Variants in DYNC2I1 observed in about 807,000 individuals in gnomAD.
The protein encoded by DYNC2I1 is dynein 2 intermediate chain 1.
In DYNC2I1, 89 loss-of-function variants were observed where a neutral mutation model predicts 133.4. That is an observed-to-expected ratio of 0.67 (90% CI 0.56 to 0.80). The LOEUF is 0.80. Among genes scored for constraint, DYNC2I1 ranks in the 30% least tolerant of loss-of-function variants. DYNC2I1 has a pLI of 0.00. For synonymous variants in DYNC2I1, 504 were observed against 484.3 expected, an observed-to-expected ratio of 1.04 and a Z score of -0.54; for missense variants, 1,291 against 1,314.5, an observed-to-expected ratio of 0.98 and a Z score of 0.28.
chr7:158,854,340 A>G (rs940805879), upstream of DYNC2I1, among the ~76,000 whole-genome samples: 2 of 152,154 alleles, frequency 1.3e-5, no homozygotes, highest in African/African-American at 2.4e-5. Context: ...TAGTCCTCCA[A>G]AGGCCATCTA....
At chr7:158,867,273 G>A (rs1842493427) in intron 1 of DYNC2I1, among the ~76,000 whole-genome samples, 1 of 152,140 alleles carries the variant, frequency 6.6e-6, no homozygotes, top group African/African-American at 2.4e-5. Context: ...ACGCGGTTAG[G>A]TTAAGCATGA....
intron 1 of DYNC2I1, among the ~76,000 whole-genome samples, chr7:158,861,948 A>T (rs1841900127): frequency 6.6e-6 from 1 of 152,238 alleles, no homozygotes; most frequent in East Asian, 1.9e-4. Flanking sequence ...GCCCTAAGTA[A>T]TTTGATAACT....
intron 14 of DYNC2I1, among the ~76,000 whole-genome samples, chr7:158,915,297 A>G (rs1472766701): frequency 1.3e-5 from 2 of 152,166 alleles, no homozygotes; most frequent in Admixed American, 6.5e-5. Context: ...ATTAAGGATG[A>G]TTGTGAAACC....
chr7:158,879,266 G>A (rs1042976179), intron 4 of DYNC2I1, among the ~76,000 whole-genome samples: 1 of 152,026 alleles, frequency 6.6e-6, no homozygotes, highest in Admixed American at 6.6e-5. Flanking sequence ...TGGTAGTTCT[G>A]TAAGTTTTCC....
At chr7:158,848,638 G>A in the DYNC2I1 span, among the ~76,000 whole-genome samples, 2 of 152,150 alleles carry the variant, frequency 1.3e-5, no homozygotes, top group East Asian at 3.9e-4. Context: ...AAATTGGGTG[G>A]ACCAGGCCGG....
chr7:158,856,409 C>T (rs902650390), upstream of DYNC2I1, among the ~76,000 whole-genome samples: 11 of 152,262 alleles, frequency 7.2e-5, no homozygotes, highest in African/African-American at 2.7e-4. Context: ...ACCGCTCGGT[C>T]CTCTGCTGCT....
intron 20 of DYNC2I1, among the ~76,000 whole-genome samples, chr7:158,929,441 G>C (rs562156110): frequency 2.7e-5 from 4 of 149,526 alleles, no homozygotes; most frequent in Admixed American, 6.6e-5. Flanking sequence ...CAGTCGGAAA[G>C]GGCCTGGCCA....
At chr7:158,840,288 C>G in the DYNC2I1 span, among the ~76,000 whole-genome samples, 191 of 152,060 alleles carry the variant, frequency 1.3e-3, no homozygotes, top group Non-Finnish European at 2.2e-3. Context: ...TGGTTTTGGC[C>G]GGGCTTGGTG....
chr7:158,884,760 C>G (rs1331241008), intron 6 of DYNC2I1, 141 bp downstream of exon 6: 2 of 726,232 alleles, frequency 2.8e-6, no homozygotes, highest in African/African-American at 1.8e-5. Flanking sequence ...AGATTTTACC[C>G]CTTAGCCCCT....
chr7:158,953,945 C>T (rs1047205697), intron 4 of DYNC2I1, among the ~76,000 whole-genome samples: 4 of 152,228 alleles, frequency 2.6e-5, no homozygotes, highest in Admixed American at 1.3e-4. Flanking sequence ...CTGTGGGTGG[C>T]TGTGTCCCCA....
At chr7:158,855,919 T>C (rs2129475318), upstream of DYNC2I1, among the ~76,000 whole-genome samples, 1 of 151,894 alleles carries the variant, frequency 6.6e-6, no homozygotes, top group East Asian at 1.9e-4. Context: ...CAAAGCCTTA[T>C]TCAAATGTAA....
chr7:158,861,999 A>T (rs1474120456), intron 1 of DYNC2I1, among the ~76,000 whole-genome samples: 1 of 152,196 alleles, frequency 6.6e-6, no homozygotes, highest in Non-Finnish European at 1.5e-5. Context: ...AAAAATGAGG[A>T]CAGCAAAGGA....
intron 20 of DYNC2I1, among the ~76,000 whole-genome samples, chr7:158,927,874 G>A (rs1252026002): frequency 3.9e-5 from 6 of 152,180 alleles, no homozygotes. Flanking sequence ...GATCTTAGTA[G>A]GGTTTAATGA....
intron 5 of DYNC2I1, among the ~76,000 whole-genome samples, chr7:158,884,029 T>C (rs1423310761): frequency 6.7e-6 from 1 of 148,634 alleles, no homozygotes. Context: ...GCCACACCTT[T>C]ATCCTTTTAA....
intron 8 of DYNC2I1, among the ~76,000 whole-genome samples, chr7:158,896,679 C>T (rs562357701): frequency 3.3e-4 from 50 of 151,966 alleles, no homozygotes; most frequent in Non-Finnish European, 6.2e-4. Flanking sequence ...TAAGATCTCA[C>T]CTAGGCTGGT....
chr7:158,891,750 A>C (rs1305402341), intron 8 of DYNC2I1, among the ~76,000 whole-genome samples: 1 of 152,226 alleles, frequency 6.6e-6, no homozygotes, highest in East Asian at 1.9e-4. Context: ...ATCACAAAAG[A>C]CACGATCCAG....
Position 158,879,815 on chromosome 7 carries a change from A to G in DYNC2I1, c.705A>G (p.Glu235=), listed in dbSNP as rs1469717959. ...ACCGAGAAAAAAGCAGCACAAGGGA[A>G]AAAAGAGAGAAATATTCCAAAGAGA... ...NKHREKSSTR[E]KREKYSKEKS... Residue 235 remains glutamate, a synonymous_variant, in exon 5 of 25, where the codon GAA becomes GAG. Transcript: ENST00000407559. 9 of 1,613,250 alleles carry G rather than the reference A, an allele frequency of 5.6e-6. No homozygotes were observed. The highest frequency in any genetic ancestry group is 1.1e-5 in the South Asian group (1 of 90,912).
intron 8 of DYNC2I1, among the ~76,000 whole-genome samples, chr7:158,896,315 C>T (rs1165518735): frequency 6.6e-6 from 1 of 152,048 alleles, no homozygotes; most frequent in Non-Finnish European, 1.5e-5. Context: ...TGGATTTTGT[C>T]AAATGTTTTT....
chr7:158,930,882 G>T (rs1850155508), intron 21 of DYNC2I1, among the ~76,000 whole-genome samples: 2 of 152,016 alleles, frequency 1.3e-5, no homozygotes, highest in South Asian at 4.2e-4. Context: ...TGATCAGGCT[G>T]GTCTCGAACA....
Sources: allele counts gnomAD v4.1 joint callset (sites outside exome capture counted in the v4.1 genomes callset), GRCh38; gene constraint gnomAD v4.1.1; transcripts MANE v1.5; gene names NCBI Gene and HGNC (gene_info 2026-07-23, HGNC 2026-07-21).